Variants in AK5 observed in about 807,000 individuals in gnomAD.
The protein encoded by AK5 is adenylate kinase 5.
AK5 carries 27 observed loss-of-function variants against 69.5 expected under a neutral mutation model. The ratio of observed to expected loss-of-function variants is 0.39; its 90% CI spans 0.29 to 0.54. The LOEUF (loss-of-function observed/expected upper bound fraction) is 0.54. Ranked by LOEUF, AK5 falls within the 20% of genes least tolerant of loss-of-function variation. AK5 has a pLI of 0.71. For synonymous variants in AK5, 260 were observed against 244.4 expected, an observed-to-expected ratio of 1.06 and a Z score of -0.60; for missense variants, 531 against 700.4, an observed-to-expected ratio of 0.76 and a Z score of 2.73.
chr1:77,450,669 C>CT (rs1417603606), intron 8 of AK5, among the ~76,000 whole-genome samples: 3 of 152,146 alleles, frequency 2.0e-5, no homozygotes, highest in Non-Finnish European at 2.9e-5. Context: ...CCTCAACAAC[C>CT]TTCTGCTAAC....
chr1:77,538,506 C>T (rs369539576), intron 13 of AK5, among the ~76,000 whole-genome samples: 1 of 151,072 alleles, frequency 6.6e-6, no homozygotes, highest in Non-Finnish European at 1.5e-5. Context: ...AAAAAAAATC[C>T]TGGTGTGGTG....
intron 5 of AK5, among the ~76,000 whole-genome samples, chr1:77,302,483 C>A (rs1303231475): frequency 3.3e-5 from 5 of 152,064 alleles, no homozygotes; most frequent in African/African-American, 1.2e-4. Context: ...GTGGTGATTT[C>A]TTTGCTTTCT....
In AK5 at chr1:77,368,271, ATG is replaced by A. The variant is rs1339096766; in HGVS notation, c.891+27705_891+27706del. 6.3e-3 allele frequency among the ~76,000 whole-genome samples: 558 copies of A among 87,994 alleles called. 7 individuals are homozygous for A. The highest frequency in any genetic ancestry group is 0.011 in the African/African-American group (308 of 27,098). The allele number at this position is 87,994 out of a possible 152,430, so 57.7% of individuals were successfully genotyped here. On this transcript the variant is annotated intron_variant, in intron 6 of 13. Transcript: ENST00000354567. ...TATATATAATATATATGTTATATAT[ATG>A]TTATATATGTTATATATATGTTATA...
intron 6 of AK5, among the ~76,000 whole-genome samples, chr1:77,364,914 C>T (rs1452583227): frequency 5.9e-5 from 9 of 152,094 alleles, no homozygotes; most frequent in Non-Finnish European, 4.4e-5. Flanking sequence ...CCATACAGTA[C>T]TTCTACTTTT....
In AK5 at chr1:77,367,653, GTT is replaced by G. The variant is rs1491246121; in HGVS notation, c.891+27086_891+27087del. Reference sequence around the variant, plus strand: ...GTAATATATATGTTATGTTATATATGTTATATATATGTTATATATAATATATA... The same window carrying G: ...GTAATATATATGTTATGTTATATATGATATATATGTTATATATAATATATA... On this transcript the variant is annotated intron_variant, in intron 6 of 13. Transcript: ENST00000354567. Among the ~76,000 whole-genome samples, 288 of 89,306 alleles carry G rather than the reference GTT, an allele frequency of 3.2e-3. 15 individuals are homozygous for G. The highest frequency in any genetic ancestry group is 0.013 in the African/African-American group (271 of 20,306). The allele number at this position is 89,306 out of a possible 152,430, so 58.6% of individuals were successfully genotyped here. A position where few individuals can be genotyped will look rare whatever the true frequency, so the allele number is the denominator to read the frequency against.
At chr1:77,378,615 C>G (rs548818792) in intron 6 of AK5, among the ~76,000 whole-genome samples, 7 of 152,164 alleles carry the variant, frequency 4.6e-5, no homozygotes, top group Non-Finnish European at 8.8e-5. Context: ...GCCATCGCAC[C>G]AGGCCAGTAT....
In AK5 at chr1:77,340,884, A is replaced by C. The variant is rs978696831; in HGVS notation, c.891+316A>C. Reference sequence around the variant, plus strand: ...GGGTGATTGTAAGCAATATTTGTCCAGTCTCTCCACTCTTTTGTCTGTCTT... The same window carrying C: ...GGGTGATTGTAAGCAATATTTGTCCCGTCTCTCCACTCTTTTGTCTGTCTT... On this transcript the variant is annotated intron_variant, in intron 6 of 13. Coordinates refer to ENST00000354567, the MANE Select transcript of AK5 (RefSeq NM_174858.3). The C allele has an allele frequency of 2.3e-5, 5 of 220,518 alleles. No homozygotes were observed. The East Asian group carries it at 5.3e-4, about 24-fold the overall frequency. 13.7% of individuals were successfully genotyped at this position (220,518 alleles called of 1,614,324 possible).
intron 8 of AK5, among the ~76,000 whole-genome samples, chr1:77,441,020 A>T (rs1048892623): frequency 1.3e-5 from 2 of 152,192 alleles, no homozygotes; most frequent in African/African-American, 4.8e-5. Context: ...AAGTGCTGAG[A>T]TTACAGGCGT....
At chr1:77,439,160 G>C (rs7532803) in intron 8 of AK5, among the ~76,000 whole-genome samples, 11,286 of 152,192 alleles carry the variant, frequency 0.074, 551 homozygotes, top group Non-Finnish European at 0.11. Context: ...CTCTCTGAAA[G>C]AAAATAATAT....
At chr1:77,417,158 T>A (rs1001215490) in intron 7 of AK5, among the ~76,000 whole-genome samples, 2 of 152,128 alleles carry the variant, frequency 1.3e-5, no homozygotes, top group Non-Finnish European at 2.9e-5. Context: ...ACTTAGCCCT[T>A]CCTGTTTCTG....
At chr1:77,367,668 TATATAATATA>T (rs1189838410) in intron 6 of AK5, among the ~76,000 whole-genome samples, 3 of 93,436 alleles carry the variant, frequency 3.2e-5, no homozygotes, top group African/African-American at 4.2e-5. Flanking sequence ...ATATATGTTA[TATATAATATA>T]TATGTTATAT....
chr1:77,558,660 C>CT lies in AK5; in HGVS notation c.1680dup (p.Ile561TyrfsTer11), dbSNP rs79671213. The CT allele has an allele frequency of 6.3e-7, 1 of 1,592,460 alleles. No individual in the cohort carries two copies. Among genetic ancestry groups the CT allele is most frequent in the Non-Finnish European group, 8.6e-7 (1 of 1,160,784 alleles). On this transcript the variant is annotated frameshift_variant, in exon 14 of 14. Coordinates refer to ENST00000354567, the MANE Select transcript of AK5 (RefSeq NM_174858.3). LOFTEE classifies it high-confidence loss of function. ...CTTCAACTCTGCACAGCTATTGACT[C>CT]TATTTTCTGAAGGCAAAAATGCATG...
At chr1:77,357,958 T>C (rs1662620266) in intron 6 of AK5, among the ~76,000 whole-genome samples, 1 of 150,808 alleles carries the variant, frequency 6.6e-6, no homozygotes, top group African/African-American at 2.4e-5. Context: ...AATCTTACAG[T>C]TCCTTTTTAA....
chr1:77,360,624 T>C (rs774579755), intron 6 of AK5, among the ~76,000 whole-genome samples: 1 of 152,032 alleles, frequency 6.6e-6, no homozygotes, highest in Non-Finnish European at 1.5e-5. Flanking sequence ...AAAAGAGTTT[T>C]TGGTGTGTTT....
At chr1:77,501,615 AAT>A (rs1656723909) in intron 10 of AK5, among the ~76,000 whole-genome samples, 1 of 152,252 alleles carries the variant, frequency 6.6e-6, no homozygotes. Flanking sequence ...AGTGTATTAT[AAT>A]ATCATGGGAC....
chr1:77,511,332 A>ATATG (rs1263674688), intron 10 of AK5, among the ~76,000 whole-genome samples: 2 of 152,198 alleles, frequency 1.3e-5, no homozygotes, highest in African/African-American at 4.8e-5. Flanking sequence ...TATCTGTAAT[A>ATATG]TATGTATGTA....
intron 12 of AK5, among the ~76,000 whole-genome samples, chr1:77,523,722 GA>G (rs1349712586): frequency 3.3e-5 from 5 of 151,786 alleles, no homozygotes; most frequent in Non-Finnish European, 7.4e-5. Context: ...GCCCTGGCTG[GA>G]GTGCAGTGGT....
At chr1:77,463,894 C>G (rs1264487042) in intron 8 of AK5, among the ~76,000 whole-genome samples, 1 of 152,154 alleles carries the variant, frequency 6.6e-6, no homozygotes, top group African/African-American at 2.4e-5. Context: ...TGTGGTCAGG[C>G]TTACATGATA....
At chr1:77,551,199 G>T (rs1659804376) in intron 13 of AK5, among the ~76,000 whole-genome samples, 2 of 149,468 alleles carry the variant, frequency 1.3e-5, no homozygotes, top group Admixed American at 1.4e-4. Context: ...AAACAAAAAT[G>T]CATTCAGAAA....
Sources: allele counts gnomAD v4.1 joint callset (sites outside exome capture counted in the v4.1 genomes callset), GRCh38; gene constraint gnomAD v4.1.1; transcripts MANE v1.5; gene names NCBI Gene and HGNC (gene_info 2026-07-23, HGNC 2026-07-21).